HAND2: variants seen among roughly 807,000 people sequenced by gnomAD.
HAND2 encodes heart and neural crest derivatives expressed 2, also known as heart- and neural crest derivatives-expressed protein 2.
Under a neutral mutation model 14.7 loss-of-function variants are expected in HAND2, and 2 were observed. That is an observed-to-expected ratio of 0.14 (90% CI 0.06 to 0.43). The LOEUF (loss-of-function observed/expected upper bound fraction) is 0.43, where lower values mean the gene tolerates loss of function less well. Among genes scored for constraint, HAND2 ranks in the 20% least tolerant of loss-of-function variants. The probability of loss-of-function intolerance (pLI) is 0.99; values close to 1 mark genes in which losing one functional copy is unlikely to be tolerated. For missense variants in HAND2, 275 were observed against 313.6 expected (o/e 0.88, Z 0.93); for synonymous variants, 162 against 135.9 (o/e 1.19, Z -1.34).
In HAND2 at chr4:173,526,751, C is replaced by T; in HGVS notation, c.*526G>A. The T allele has an allele frequency of 3.1e-6, 1 of 323,366 alleles. No individual in the cohort carries two copies. Among genetic ancestry groups the T allele is most frequent in the Non-Finnish European group, 6.1e-6 (1 of 163,926 alleles). 20.0% of individuals were successfully genotyped at this position (323,366 alleles called of 1,614,324 possible). A position where few individuals can be genotyped will look rare whatever the true frequency, so the allele number is the denominator to read the frequency against. ...AACATCTTCAAAGAGGGAACGACCA[C>T]AGATGAATGGATAGCACTAGATACC... On this transcript the variant is annotated 3_prime_UTR_variant, in exon 2 of 2. Coordinates refer to ENST00000359562, the MANE Select transcript of HAND2 (RefSeq NM_021973.3).
In HAND2 at chr4:173,528,855, G is replaced by C; in HGVS notation, c.435C>G (p.Thr145=). The C allele has an allele frequency of 6.2e-7, 1 of 1,614,242 alleles. No homozygotes were observed. The highest frequency in any genetic ancestry group is 8.5e-7 in the Non-Finnish European group (1 of 1,180,036). Residue 145 remains threonine, a synonymous_variant, in exon 1 of 2, where the codon ACC becomes ACG. Coordinates refer to ENST00000359562, the MANE Select transcript of HAND2 (RefSeq NM_021973.3). The surrounding 1 kb of genome is among the most constrained non-coding windows in gnomAD (Gnocchi z 5.6). The part of the protein sequence containing the change: ...LSKIKTLRLA[T]SYIAYLMDLL... ...GGTCCATGAGGTAGGCGATGTAGCTGGTGGCCAGGCGCAGGGTCTTGATTT... is the reference window on the plus strand; with the variant it reads ...GGTCCATGAGGTAGGCGATGTAGCTCGTGGCCAGGCGCAGGGTCTTGATTT...
In HAND2 at chr4:173,529,098, G is replaced by A. The variant is rs551476914; in HGVS notation, c.192C>T (p.Tyr64=). Residue 64 remains tyrosine, a synonymous_variant, in exon 1 of 2, where the codon TAC becomes TAT. Coordinates refer to ENST00000359562, the MANE Select transcript of HAND2 (RefSeq NM_021973.3). The part of the protein sequence containing the change: ...SPPDYSMALS[Y]SPEYASGAAG... ...CGGCGCCGCTGGCATACTCGGGGCTGTAGGACAGGGCCATGCTGTAGTCGG... is the reference window on the plus strand; with the variant it reads ...CGGCGCCGCTGGCATACTCGGGGCTATAGGACAGGGCCATGCTGTAGTCGG... The A allele has an allele frequency of 3.3e-6, 5 of 1,513,010 alleles. No individual in the cohort carries two copies. The South Asian group carries it at 5.4e-5, about 16-fold the overall frequency. 93.7% of individuals were successfully genotyped at this position (1,513,010 alleles called of 1,614,324 possible).
rs1731662958 is a variant in HAND2, at chr4:173,529,969, G to T, written c.-680C>A. ...TCCTTAAATGTGATTTTAGCTGCGAGTAACGTGTCCTCGCTCCTCTCGCGC... is the reference window on the plus strand; with the variant it reads ...TCCTTAAATGTGATTTTAGCTGCGATTAACGTGTCCTCGCTCCTCTCGCGC... On this transcript the variant is annotated 5_prime_UTR_variant, in exon 1 of 2. Transcript: ENST00000359562. 6.6e-6 allele frequency: 1 copy of T among 152,074 alleles called. No individual in the cohort carries two copies. The highest frequency in any genetic ancestry group is 2.4e-5 in the African/African-American group (1 of 41,408). The allele number at this position is 152,074 out of a possible 1,614,324, so 9.4% of individuals were successfully genotyped here.
Position 173,529,015 on chromosome 4 carries a change from AG to A in HAND2, c.274del (p.Leu92TrpfsTer7). ...GCGCTTCACCGGGCGCGGCCCCCCC[AG>A]GCCCGGGGGCCCGGCGCCCGGCGGC... is the stretch of plus-strand genomic sequence containing the variant. Reference protein sequence around the residue: ...GVPPGAGPPGLGGPRPVKRRG... With the variant: ...GVPPGAGPPGXGGPRPVKRRG... On this transcript the variant is annotated frameshift_variant, in exon 1 of 2. Transcript: ENST00000359562. LOFTEE classifies it high-confidence loss of function. 6.3e-7 allele frequency: 1 copy of A among 1,578,372 alleles called. No homozygotes were observed. The highest frequency in any genetic ancestry group is 8.6e-7 in the Non-Finnish European group (1 of 1,168,218).
Position 173,527,259 on chromosome 4 carries a change from T to C in HAND2, c.*18A>G. 1 of 1,573,502 alleles carries C rather than the reference T, an allele frequency of 6.4e-7. No homozygotes were observed. Among genetic ancestry groups the C allele is most frequent in the Non-Finnish European group, 8.7e-7 (1 of 1,146,866 alleles). On this transcript the variant is annotated 3_prime_UTR_variant, in exon 2 of 2. Coordinates refer to ENST00000359562, the MANE Select transcript of HAND2 (RefSeq NM_021973.3). ...CCCCTGCTCACTCGCGCTCTCCTCCTCCTCCTTCTCCTCCTCCTCACTGCT... is the reference window on the plus strand; with the variant it reads ...CCCCTGCTCACTCGCGCTCTCCTCCCCCTCCTTCTCCTCCTCCTCACTGCT...
rs1560884559 is a variant in HAND2, at chr4:173,528,066, T to TC, written c.555+668dup. ...TAACAATGACCATAGTAATGCCTTT[T>TC]CCCCCTTAAAATGTACAGGCTTATT... is the stretch of plus-strand genomic sequence containing the variant. On this transcript the variant is annotated intron_variant, in intron 1 of 1. Coordinates refer to ENST00000359562, the MANE Select transcript of HAND2 (RefSeq NM_021973.3). This position sits in a 1 kb window ranked among gnomAD's most constrained non-coding sequence, Gnocchi z 5.6. The TC allele has an allele frequency of 6.5e-6, 1 of 154,246 alleles. No homozygotes were observed. The highest frequency in any genetic ancestry group is 1.9e-4 in the East Asian group (1 of 5,216). The allele number at this position is 154,246 out of a possible 1,614,324, so 9.6% of individuals were successfully genotyped here.
intron 1 of HAND2, chr4:173,527,781 CCTCTCGGCCAGAGG>C (rs1417605134): frequency 1.0e-5 from 2 of 196,078 alleles, no homozygotes; most frequent in African/African-American, 2.4e-5. Context: ...TCGGCCTGGG[CCTCTCGGCCAGAGG>C]CTCTCGGCCT....
rs13141356 is a variant in HAND2, at chr4:173,526,211, C to A, written c.*1066G>T. On this transcript the variant is annotated 3_prime_UTR_variant, in exon 2 of 2. Transcript: ENST00000359562. ...GAAACACTCTCCAAACAAAAACTGA[C>A]GGCCTCAAGAAATGGCTTCTGATTG... 0.14 allele frequency: 20,912 copies of A among 152,172 alleles called. 1,749 individuals are homozygous for A. The highest frequency in any genetic ancestry group is 0.24 in the East Asian group (1,222 of 5,158). The allele number at this position is 152,172 out of a possible 1,614,324, so 9.4% of individuals were successfully genotyped here. A position where few individuals can be genotyped will look rare whatever the true frequency, so the allele number is the denominator to read the frequency against.
chr4:173,527,808 A>G (rs1360600452), intron 1 of HAND2: 2 of 179,460 alleles, frequency 1.1e-5, no homozygotes, highest in Non-Finnish European at 2.4e-5. Context: ...CTCGGCCTCC[A>G]GCTCAGCAGT....
Position 173,529,355 on chromosome 4 carries a change from C to A in HAND2, c.-66G>T, listed in dbSNP as rs1212774129. On this transcript the variant is annotated 5_prime_UTR_variant, in exon 1 of 2. Coordinates refer to ENST00000359562, the MANE Select transcript of HAND2 (RefSeq NM_021973.3). The stretch of plus-strand genomic sequence containing the variant: ...AGCCCCGCCGCGCCCTCGGCCCGGG[C>A]CCCTGCCTCAGCGCTCGGCGTCCTC... 2.5e-6 allele frequency: 3 copies of A among 1,187,612 alleles called. No homozygotes were observed. The highest frequency in any genetic ancestry group is 3.2e-6 in the Non-Finnish European group (3 of 950,914). 73.6% of individuals were successfully genotyped at this position (1,187,612 alleles called of 1,614,324 possible). A position where few individuals can be genotyped will look rare whatever the true frequency, so the allele number is the denominator to read the frequency against.
In HAND2 at chr4:173,529,200, GGCGGCGGCAGCT is replaced by G; in HGVS notation, c.78_89del (p.Ala29_Ala32del). On this transcript the variant is annotated inframe_deletion, in exon 1 of 2. Transcript: ENST00000359562. Reference sequence around the variant, plus strand: ...CCTCATGGCTGCAGCGGCTGGCGGCGGCGGCGGCAGCTGCGGCGGCGGCGGCGGCAAACGGGT... The same window carrying G: ...CCTCATGGCTGCAGCGGCTGGCGGCGGCGGCGGCGGCGGCGGCAAACGGGT... The G allele has an allele frequency of 1.4e-6, 2 of 1,430,220 alleles. No individual in the cohort carries two copies. Among genetic ancestry groups the G allele is most frequent in the South Asian group, 1.6e-5 (1 of 62,608 alleles). The allele number at this position is 1,430,220 out of a possible 1,614,324, so 88.6% of individuals were successfully genotyped here.
rs1374142342 is a variant in HAND2 at position 173,528,002 on chromosome 4, A to C, written c.556-627T>G. 1 of 154,562 alleles carries C rather than the reference A, an allele frequency of 6.5e-6. No individual in the cohort carries two copies. Among genetic ancestry groups the C allele is most frequent in the African/African-American group, 2.4e-5 (1 of 41,480 alleles). The allele number at this position is 154,562 out of a possible 1,614,324, so 9.6% of individuals were successfully genotyped here. ...TGGGCACTTGGTAGGAATCTGAGAAAATTTTAAGCGGCTCAATTTACTTTC... is the reference window on the plus strand; with the variant it reads ...TGGGCACTTGGTAGGAATCTGAGAACATTTTAAGCGGCTCAATTTACTTTC... On this transcript the variant is annotated intron_variant, in intron 1 of 1. Transcript: ENST00000359562. This position sits in a 1 kb window ranked among gnomAD's most constrained non-coding sequence, Gnocchi z 5.6.
At chr4:173,527,989 A>G (rs1477744229) in intron 1 of HAND2, 1 of 154,708 alleles carries the variant, frequency 6.5e-6, no homozygotes, top group Non-Finnish European at 1.4e-5. Context: ...GGCACTTGGT[A>G]GGAATCTGAG....
rs747570194 is a variant in HAND2 at position 173,528,885 on chromosome 4, G to A, written c.405C>T (p.Leu135=). The change falls in exon 1 of 2, where the codon CTC becomes CTT. Residue 135 remains leucine (L), a synonymous_variant. Coordinates refer to ENST00000359562, the MANE Select transcript of HAND2 (RefSeq NM_021973.3). The surrounding 1 kb of genome is among the most constrained non-coding windows in gnomAD (Gnocchi z 5.6). ...CIPNVPADTK[L]SKIKTLRLAT... ...CCAGGCGCAGGGTCTTGATTTTGGA[G>A]AGTTTGGTGTCGGCGGGTACGTTGG... 14 of 1,614,072 alleles carry A rather than the reference G, an allele frequency of 8.7e-6. No homozygotes were observed. Among genetic ancestry groups the A allele is most frequent in the Non-Finnish European group, 3.4e-6 (4 of 1,180,028 alleles).
chr4:173,528,966 C>T lies in HAND2; in HGVS notation c.324G>A (p.Glu108=), dbSNP rs775523513. ...TGTTGATGCTCTGAGTCCTGCGCCG[C>T]TCCTTGCGGTTGGCGGTGCCTCGGC... is the stretch of plus-strand genomic sequence containing the variant. The part of the protein sequence containing the change: ...VKRRGTANRK[E]RRRTQSINSA... Residue 108 remains glutamate, a synonymous_variant, in exon 1 of 2, where the codon GAG becomes GAA. Transcript: ENST00000359562. This position sits in a 1 kb window ranked among gnomAD's most constrained non-coding sequence, Gnocchi z 5.6. The T allele has an allele frequency of 5.0e-6, 8 of 1,613,440 alleles. No individual in the cohort carries two copies. In the Admixed American group the frequency reaches 1.3e-4, roughly 27 times the overall value.
Position 173,526,934 on chromosome 4 carries a change from G to C in HAND2, c.*343C>G, listed in dbSNP as rs1456967349. Reference sequence around the variant, plus strand: ...TCTGGAAGGGGTTGAGTAGGTTGGCGGGGGGCAACGCTGGTGTCTACACAG... The same window carrying C: ...TCTGGAAGGGGTTGAGTAGGTTGGCCGGGGGCAACGCTGGTGTCTACACAG... On this transcript the variant is annotated 3_prime_UTR_variant, in exon 2 of 2. Transcript: ENST00000359562. 1 of 526,190 alleles carries C rather than the reference G, an allele frequency of 1.9e-6. No individual in the cohort carries two copies. Among genetic ancestry groups the C allele is most frequent in the Non-Finnish European group, 3.7e-6 (1 of 272,582 alleles). 32.6% of individuals were successfully genotyped at this position (526,190 alleles called of 1,614,324 possible).
In HAND2 at chr4:173,527,343, G is replaced by T. The variant is rs758466235; in HGVS notation, c.588C>A (p.Asn196Lys). The T allele has an allele frequency of 6.2e-7, 1 of 1,613,652 alleles. No homozygotes were observed. The highest frequency in any genetic ancestry group is 1.1e-5 in the South Asian group (1 of 91,084). The change falls in exon 2 of 2, where the codon AAC becomes AAA. Residue 196 changes from asparagine (N) to lysine (K), a missense_variant. Around this residue, in one of 4 missense-constraint regions of HAND2, gnomAD observed 54 missense variants for 54.3 expected, o/e 0.99. Transcript: ENST00000359562. ...CCGTCCGGCCTTTGGTTTTCTTGTCGTTGCTGCTCACTGTGCTTTTCAAGA... is the reference window on the plus strand; with the variant it reads ...CCGTCCGGCCTTTGGTTTTCTTGTCTTTGCTGCTCACTGTGCTTTTCAAGA... ...NEILKSTVSS[N>K]DKKTKGRTGW...
At position 173,530,049 on chromosome 4, in the gene HAND2, C is replaced by T. The variant is rs1238531570; in HGVS notation, c.-760G>A. The T allele has an allele frequency of 6.6e-6, 1 of 152,086 alleles. No homozygotes were observed. Among genetic ancestry groups the T allele is most frequent in the African/African-American group, 2.4e-5 (1 of 41,394 alleles). The allele number at this position is 152,086 out of a possible 1,614,324, so 9.4% of individuals were successfully genotyped here. ...GTGCATCCATTTTCTCAGATCCTCT[C>T]CTTTCGGGGCAAGGATCTGGGGCCC... On this transcript the variant is annotated 5_prime_UTR_variant, in exon 1 of 2. Coordinates refer to ENST00000359562, the MANE Select transcript of HAND2 (RefSeq NM_021973.3). This position sits in a 1 kb window ranked among gnomAD's most constrained non-coding sequence, Gnocchi z 6.2.
At position 173,527,278 on chromosome 4, in the gene HAND2, C is replaced by T; in HGVS notation, c.653G>A (p.Ter218=). 1 of 1,608,930 alleles carries T rather than the reference C, an allele frequency of 6.2e-7. No individual in the cohort carries two copies. The highest frequency in any genetic ancestry group is 8.5e-7 in the Non-Finnish European group (1 of 1,176,946). The change falls in exon 2 of 2, where the codon TGA becomes TAA. Residue 218 remains the stop codon, a stop_retained_variant. Coordinates refer to ENST00000359562, the MANE Select transcript of HAND2 (RefSeq NM_021973.3). Reference sequence around the variant, plus strand: ...TCCTCCTCCTCCTTCTCCTCCTCCTCACTGCTTGAGCTCCAGGGCCCAGAC... The same window carrying T: ...TCCTCCTCCTCCTTCTCCTCCTCCTTACTGCTTGAGCTCCAGGGCCCAGAC... The part of the protein sequence containing the change: ...QHVWALELKQ[*]
Sources: gnomAD v4.1 joint callset for allele counts on GRCh38, gnomAD v4.1.1 for gene constraint, gnomAD v4.1.1 regional missense constraint, Gnocchi (gnomAD v3.1) non-coding constraint, MANE v1.5 for transcripts, NCBI Gene and HGNC (gene_info 2026-07-23, HGNC 2026-07-21) for gene names.